TMEM38A: variants seen among roughly 807,000 people sequenced by gnomAD.
TMEM38A encodes the protein transmembrane protein 38A.
Under a neutral mutation model 28.6 loss-of-function variants are expected in TMEM38A, and 17 were observed. That is an observed-to-expected ratio of 0.60 (90% CI 0.41 to 0.89). The LOEUF is 0.89. TMEM38A is among the 40% of genes least tolerant of loss of function. The probability of loss-of-function intolerance (pLI) is 0.00; values close to 1 mark genes in which losing one functional copy is unlikely to be tolerated. For synonymous variants in TMEM38A, 169 were observed against 166.1 expected, an observed-to-expected ratio of 1.02 and a Z score of -0.14; for missense variants, 328 against 393.1, an observed-to-expected ratio of 0.83 and a Z score of 1.40.
chr19:16,680,219 A>T, intron 2 of TMEM38A, 79 bp downstream of exon 2: 9 of 1,558,952 alleles, frequency 5.8e-6, no homozygotes, highest in Non-Finnish European at 7.8e-6. Flanking sequence ...GAGAGGTTGG[A>T]GGAATTAGAA....
At chr19:16,663,838 C>T (rs531321399) in intron 1 of TMEM38A, among the ~76,000 whole-genome samples, 118 of 151,844 alleles carry the variant, frequency 7.8e-4, no homozygotes, top group African/African-American at 2.8e-3. Flanking sequence ...GCCCGGCCTC[C>T]TAGGAGCTTT....
chr19:16,675,769 G>A (rs914519777), intron 1 of TMEM38A, among the ~76,000 whole-genome samples: 16 of 150,800 alleles, frequency 1.1e-4, no homozygotes, highest in East Asian at 2.0e-4. Context: ...GGCTGGTCTC[G>A]AACTCCTGAC....
intron 1 of TMEM38A, among the ~76,000 whole-genome samples, chr19:16,678,483 G>C (rs1415837069): frequency 6.6e-6 from 1 of 151,386 alleles, no homozygotes; most frequent in Non-Finnish European, 1.5e-5. Context: ...AAATGGGCTG[G>C]GCATGGTGTC....
chr19:16,670,831 C>T (rs1275357790), intron 1 of TMEM38A, among the ~76,000 whole-genome samples: 4 of 151,968 alleles, frequency 2.6e-5, no homozygotes, highest in African/African-American at 9.7e-5. Context: ...CCCAGGTACT[C>T]GGGAGGCTGA....
At chr19:16,687,983 C>G (rs2086808574) in intron 5 of TMEM38A, among the ~76,000 whole-genome samples, 161 bp from the exon 6 acceptor site, 1 of 152,102 alleles carries the variant, frequency 6.6e-6, no homozygotes, top group African/African-American at 2.4e-5. Context: ...GCCCATCATC[C>G]TGGGGGTGCA....
rs35543309 is a variant in TMEM38A at position 16,679,252 on chromosome 19, CGTGTGTGTGTGTGTGTGT to C, written c.125-703_125-686del. Among the ~76,000 whole-genome samples the C allele has an allele frequency of 5.5e-3, 701 of 128,386 alleles. 6 individuals carry two copies. The highest frequency in any genetic ancestry group is 0.018 in the African/African-American group (642 of 35,638). 84.2% of individuals were successfully genotyped at this position (128,386 alleles called of 152,430 possible). A position where few individuals can be genotyped will look rare whatever the true frequency, so the allele number is the denominator to read the frequency against. On this transcript the variant is annotated intron_variant, in intron 1 of 5. Transcript: ENST00000187762. ...GTCAGAATAGCAATTTCTTTTGTTT[CGTGTGTGTGTGTGTGTGT>C]GTGTGTGTGTGTGTGTGTGTGTGTG...
In TMEM38A at chr19:16,680,280, C is replaced by T. The variant is rs557563401; in HGVS notation, c.282-117C>T. On this transcript the variant is annotated intron_variant, in intron 2 of 5. Coordinates refer to ENST00000187762, the MANE Select transcript of TMEM38A (RefSeq NM_024074.4). Reference sequence around the variant, plus strand: ...GCCCTGAATATGCTGCCCTCCATGCCCATCTCTGGTCTAGGCACAGCACGT... The same window carrying T: ...GCCCTGAATATGCTGCCCTCCATGCTCATCTCTGGTCTAGGCACAGCACGT... 1,666 of 1,478,938 alleles carry T rather than the reference C, an allele frequency of 1.1e-3. 4 individuals carry two copies. The highest frequency in any genetic ancestry group is 1.5e-3 in the Non-Finnish European group (1,563 of 1,073,426). 91.6% of individuals were successfully genotyped at this position (1,478,938 alleles called of 1,614,324 possible).
At chr19:16,685,571 A>T (rs1019523787) in intron 4 of TMEM38A, among the ~76,000 whole-genome samples, 7 of 152,178 alleles carry the variant, frequency 4.6e-5, no homozygotes, top group African/African-American at 7.2e-5. Context: ...GAGCCTGGGT[A>T]TCCAGGATTT....
intron 4 of TMEM38A, among the ~76,000 whole-genome samples, chr19:16,685,753 AG>A (rs2086799113): frequency 6.6e-6 from 1 of 152,208 alleles, no homozygotes; most frequent in Non-Finnish European, 1.5e-5. Context: ...TTATCAAGGC[AG>A]GACACTCCAA....
At chr19:16,681,986 G>T (rs965062507) in intron 3 of TMEM38A, among the ~76,000 whole-genome samples, 19 of 152,198 alleles carry the variant, frequency 1.2e-4, no homozygotes, top group African/African-American at 4.6e-4. Flanking sequence ...GAAGCTTTTA[G>T]TACTGAGCAG....
chr19:16,686,460 C>A, intron 5 of TMEM38A, 55 bp downstream of exon 5: 1 of 1,449,150 alleles, frequency 6.9e-7, no homozygotes, highest in Non-Finnish European at 9.6e-7. Context: ...ACCCTGCCAC[C>A]TCCAGGTTGG....
intron 1 of TMEM38A, among the ~76,000 whole-genome samples, chr19:16,663,593 G>A (rs34393684): frequency 0.051 from 7,606 of 150,064 alleles, 234 homozygotes; most frequent in Middle Eastern, 0.12. Context: ...CGGTGGCGCC[G>A]CCTCTGCTCA....
At chr19:16,676,456 G>A (rs532946002) in intron 1 of TMEM38A, among the ~76,000 whole-genome samples, 3 of 152,238 alleles carry the variant, frequency 2.0e-5, no homozygotes, top group East Asian at 1.9e-4. Context: ...TAGGGGAATC[G>A]TTGGTTTTGG....
At chr19:16,677,135 C>T (rs2086755648) in intron 1 of TMEM38A, among the ~76,000 whole-genome samples, 1 of 151,024 alleles carries the variant, frequency 6.6e-6, no homozygotes, top group Non-Finnish European at 1.5e-5. Flanking sequence ...TTTTCAAGCC[C>T]CCTTCTTTTT....
intron 3 of TMEM38A, 122 bp from the exon 4 acceptor site, chr19:16,682,299 C>A: frequency 1.3e-6 from 1 of 750,498 alleles, no homozygotes. Flanking sequence ...TCATACACCC[C>A]CAGGCTCAGT....
intron 1 of TMEM38A, among the ~76,000 whole-genome samples, chr19:16,676,621 A>G (rs2122588595): frequency 6.6e-6 from 1 of 152,262 alleles, no homozygotes; most frequent in Non-Finnish European, 1.5e-5. Flanking sequence ...GTGTGGCCTT[A>G]GAAGATTACG....
chr19:16,661,469 G>T lies in TMEM38A; in HGVS notation c.124+128G>T. The T allele has an allele frequency of 2.6e-6, 2 of 771,930 alleles. No homozygotes were observed. The highest frequency in any genetic ancestry group is 1.8e-5 in the African/African-American group (1 of 54,312). 47.8% of individuals were successfully genotyped at this position (771,930 alleles called of 1,614,324 possible). ...GAGGGACAGGTTCAAGGATTGCATC[G>T]TGGGAGTAGGCAGGCGCTAGAATCG... On this transcript the variant is annotated intron_variant, in intron 1 of 5. Coordinates refer to ENST00000187762, the MANE Select transcript of TMEM38A (RefSeq NM_024074.4). The surrounding 1 kb of genome is among the most constrained non-coding windows in gnomAD (Gnocchi z 6.5).
chr19:16,663,555 G>A (rs1428231750), intron 1 of TMEM38A, among the ~76,000 whole-genome samples: 1 of 150,320 alleles, frequency 6.7e-6, no homozygotes, highest in African/African-American at 2.4e-5. Context: ...TTGAAACGGA[G>A]TCTCGCTCTG....
chr19:16,668,226 A>C (rs984528080), intron 1 of TMEM38A, among the ~76,000 whole-genome samples: 1 of 151,312 alleles, frequency 6.6e-6, no homozygotes, highest in Non-Finnish European at 1.5e-5. Context: ...TAAATAATAA[A>C]TAATAAATTA....
Sources: allele counts gnomAD v4.1 joint callset (sites outside exome capture counted in the v4.1 genomes callset), GRCh38; gene constraint gnomAD v4.1.1; non-coding constraint Gnocchi (gnomAD v3.1); transcripts MANE v1.5; gene names NCBI Gene and HGNC (gene_info 2026-07-23, HGNC 2026-07-21).